The following AOPEP variants were observed in gnomAD, a reference collection of about 807,000 sequenced individuals.
The protein encoded by AOPEP is aminopeptidase O.
AOPEP carries 77 observed loss-of-function variants against 98.1 expected under a neutral mutation model. The observed-to-expected ratio is 0.78, with a 90% CI of 0.65 to 0.95. The LOEUF (loss-of-function observed/expected upper bound fraction) is 0.95. Ranked by LOEUF, AOPEP falls within the 40% of genes least tolerant of loss-of-function variation. AOPEP has a pLI of 0.00. For missense variants in AOPEP, 1,024 were observed against 1,024.7 expected (o/e 1.00, Z 0.01); for synonymous variants, 346 against 365.3 (o/e 0.95, Z 0.60).
intron 1 of AOPEP, among the ~76,000 whole-genome samples, chr9:94,732,148 T>C (rs1000862681): frequency 1.3e-5 from 2 of 152,202 alleles, no homozygotes; most frequent in South Asian, 2.1e-4. Context: ...ACAATGTTAA[T>C]TGGGAACTAA....
rs545457783 is a variant in AOPEP at position 95,042,244 on chromosome 9, A to G, written c.2116-18450A>G. 8.6e-4 allele frequency among the ~76,000 whole-genome samples: 129 copies of G among 150,030 alleles called. 1 individual carries two copies. The South Asian group carries it at 0.018, about 21-fold the overall frequency. On this transcript the variant is annotated intron_variant, in intron 13 of 16. Transcript: ENST00000375315. Reference sequence around the variant, plus strand: ...GGAGAGTGGCATGAACCCAGGAGGCAGAGCTTGCAGTGAGCCGAGATTGCG... The same window carrying G: ...GGAGAGTGGCATGAACCCAGGAGGCGGAGCTTGCAGTGAGCCGAGATTGCG...
rs905453838 is a variant in AOPEP, at chr9:94,741,424, C to T, written c.-136+14673C>T. ...AGTAGCTGGGACTACAGGCGCCCGC[C>T]ACCATGCCTGGCTAATTTTTGTATT... is the stretch of plus-strand genomic sequence containing the variant. On this transcript the variant is annotated intron_variant, in intron 1 of 16. Transcript: ENST00000375315. Among the ~76,000 whole-genome samples the T allele has an allele frequency of 1.9e-4, 29 of 152,014 alleles. 1 individual carries two copies. The highest frequency in any genetic ancestry group is 6.6e-5 in the Admixed American group (1 of 15,262).
intron 5 of AOPEP, among the ~76,000 whole-genome samples, chr9:94,908,736 T>A (rs1485721108): frequency 6.6e-6 from 1 of 152,122 alleles, no homozygotes; most frequent in Non-Finnish European, 1.5e-5. Context: ...ACACCACCCA[T>A]GCAAAGTTTA....
At chr9:95,003,171 C>T (rs1378037264) in intron 11 of AOPEP, among the ~76,000 whole-genome samples, 2 of 143,056 alleles carry the variant, frequency 1.4e-5, no homozygotes, top group African/African-American at 3.0e-5. Context: ...TGTGTGCGCG[C>T]GCGCGCGCGT....
chr9:95,034,622 T>A (rs1189595145), intron 13 of AOPEP, among the ~76,000 whole-genome samples: 2 of 152,254 alleles, frequency 1.3e-5, no homozygotes, highest in Non-Finnish European at 2.9e-5. Flanking sequence ...CTGCGAGGCC[T>A]CATTTTGGCT....
intron 11 of AOPEP, among the ~76,000 whole-genome samples, chr9:94,998,025 A>T (rs562805111): frequency 4.8e-4 from 73 of 152,218 alleles, no homozygotes; most frequent in African/African-American, 1.7e-3. Flanking sequence ...TATAATGTCC[A>T]TGAATATCAA....
At chr9:94,880,599 G>T (rs1383727548) in intron 5 of AOPEP, among the ~76,000 whole-genome samples, 1 of 152,068 alleles carries the variant, frequency 6.6e-6, no homozygotes, top group Non-Finnish European at 1.5e-5. Context: ...CAAGCAGTCT[G>T]CCTGCCTTGG....
At chr9:94,963,032 C>T (rs2058959105) in intron 9 of AOPEP, among the ~76,000 whole-genome samples, 1 of 152,206 alleles carries the variant, frequency 6.6e-6, no homozygotes, top group African/African-American at 2.4e-5. Flanking sequence ...GCGTGAGCCA[C>T]CGCATCCAGC....
intron 11 of AOPEP, among the ~76,000 whole-genome samples, chr9:95,001,585 C>G (rs1292388795): frequency 1.3e-5 from 2 of 152,114 alleles, no homozygotes; most frequent in African/African-American, 4.8e-5. Context: ...TTCAGGTAGA[C>G]AACAGGAGAA....
At chr9:94,740,844 T>A (rs1832904003) in intron 1 of AOPEP, among the ~76,000 whole-genome samples, 1 of 152,224 alleles carries the variant, frequency 6.6e-6, no homozygotes, top group South Asian at 2.1e-4. Flanking sequence ...ATTTGTAATA[T>A]AAGTTTAATA....
At chr9:95,124,721 C>A in the AOPEP span, among the ~76,000 whole-genome samples, 2 of 152,204 alleles carry the variant, frequency 1.3e-5, no homozygotes, top group African/African-American at 4.8e-5. Context: ...GCCATATAGA[C>A]CCCAGGGTGC....
At chr9:94,738,555 G>A (rs1268346945) in intron 1 of AOPEP, among the ~76,000 whole-genome samples, 2 of 151,958 alleles carry the variant, frequency 1.3e-5, no homozygotes, top group East Asian at 1.9e-4. Context: ...TACAGAAAAG[G>A]ACACGAGAAA....
At chr9:95,048,661 G>A (rs1399074725) in intron 13 of AOPEP, 1 of 152,248 alleles carries the variant, frequency 6.6e-6, no homozygotes, top group African/African-American at 2.4e-5. Flanking sequence ...CGCAGGGACG[G>A]GAGCGGGGCT....
chr9:94,844,272 T>C (rs2042594770), intron 5 of AOPEP, among the ~76,000 whole-genome samples: 1 of 152,214 alleles, frequency 6.6e-6, no homozygotes, highest in African/African-American at 2.4e-5. Flanking sequence ...GCCAGGCTGG[T>C]CACTAACTAG....
At chr9:94,870,997 C>G (rs2046284833) in intron 5 of AOPEP, among the ~76,000 whole-genome samples, 1 of 152,098 alleles carries the variant, frequency 6.6e-6, no homozygotes, top group African/African-American at 2.4e-5. Context: ...GTGGGCTGTT[C>G]CTCTTTCTTT....
chr9:94,798,323 C>A (rs964773000), intron 4 of AOPEP, among the ~76,000 whole-genome samples: 16 of 152,200 alleles, frequency 1.1e-4, no homozygotes, highest in African/African-American at 3.9e-4. Flanking sequence ...CTAGAATCAT[C>A]TTCATCATCT....
At chr9:94,976,946 C>T (rs186448319) in intron 10 of AOPEP, among the ~76,000 whole-genome samples, 10 of 152,316 alleles carry the variant, frequency 6.6e-5, no homozygotes, top group Admixed American at 2.0e-4. Flanking sequence ...GAATTACAGG[C>T]GTGAGCCACT....
rs141347435 is a variant in AOPEP at position 95,023,737 on chromosome 9, A to T, written c.2115+18121A>T. Among the ~76,000 whole-genome samples, 830 of 152,262 alleles carry T rather than the reference A, an allele frequency of 5.5e-3. 7 individuals are homozygous for T. The highest frequency in any genetic ancestry group is 0.031 in the Middle Eastern group (9 of 294). On this transcript the variant is annotated intron_variant, in intron 13 of 16. Coordinates refer to ENST00000375315, the MANE Select transcript of AOPEP (RefSeq NM_001193329.3). ...ACAGAGGTCTGAGTTTGCAGTAACT[A>T]TTATTCTTGTGTGGAATTGGCTCTG...
intron 5 of AOPEP, among the ~76,000 whole-genome samples, chr9:94,809,040 C>G (rs1849891777): frequency 6.6e-6 from 1 of 152,218 alleles, no homozygotes. Flanking sequence ...AAGCCAAGAA[C>G]TCACTCGACA....
Sources: allele counts gnomAD v4.1 joint callset (sites outside exome capture counted in the v4.1 genomes callset), GRCh38; gene constraint gnomAD v4.1.1; transcripts MANE v1.5; gene names NCBI Gene and HGNC (gene_info 2026-07-23, HGNC 2026-07-21).